THADA: variants seen among roughly 807,000 people sequenced by gnomAD.
THADA encodes the protein THADA armadillo repeat containing.
A neutral mutation model predicts 219.8 loss-of-function variants in THADA; 213 were observed. The ratio of observed to expected loss-of-function variants is 0.97; its 90% confidence interval spans 0.87 to 1.09. The LOEUF is 1.09. THADA is among the 50% of genes least tolerant of loss of function. The pLI is 0.00. For missense variants in THADA, 2,956 were observed against 2,311.3 expected (o/e 1.28, Z -5.72); for synonymous variants, 1,018 against 828.9 (o/e 1.23, Z -3.92).
At chr2:43,475,341 C>G (rs1380947637) in intron 26 of THADA, among the ~76,000 whole-genome samples, 3 of 150,768 alleles carry the variant, frequency 2.0e-5, no homozygotes, top group Non-Finnish European at 4.4e-5. Context: ...ATGGCTTGAG[C>G]CCAGCAGGCA....
intron 36 of THADA, among the ~76,000 whole-genome samples, chr2:43,252,237 C>T (rs1669882407): frequency 1.3e-5 from 2 of 152,206 alleles, no homozygotes; most frequent in African/African-American, 4.8e-5. Flanking sequence ...TACTCCCCAT[C>T]TCTGATTTTA....
At chr2:43,311,979 G>A (rs1352700243) in intron 31 of THADA, among the ~76,000 whole-genome samples, 1 of 151,950 alleles carries the variant, frequency 6.6e-6, no homozygotes, top group Non-Finnish European at 1.5e-5. Flanking sequence ...CAGGAGGGCT[G>A]CTTAAGCCCA....
intron 26 of THADA, among the ~76,000 whole-genome samples, chr2:43,482,569 T>C (rs1386832002): frequency 6.6e-6 from 1 of 152,210 alleles, no homozygotes; most frequent in East Asian, 1.9e-4. Flanking sequence ...TTGATTATAG[T>C]GGTTATATTG....
At chr2:43,486,471 A>G (rs1433505342) in intron 25 of THADA, 2 of 152,254 alleles carry the variant, frequency 1.3e-5, no homozygotes, top group East Asian at 1.9e-4. Flanking sequence ...TACCAGCACC[A>G]TGGATAAGAT....
chr2:43,290,427 G>T (rs1418693134), intron 34 of THADA, among the ~76,000 whole-genome samples: 2 of 152,046 alleles, frequency 1.3e-5, no homozygotes, highest in Non-Finnish European at 2.9e-5. Flanking sequence ...CAGATCTAAG[G>T]AAATTGGACC....
At chr2:43,312,054 A>C (rs561867426) in intron 31 of THADA, among the ~76,000 whole-genome samples, 94 of 152,218 alleles carry the variant, frequency 6.2e-4, no homozygotes, top group Middle Eastern at 3.4e-3. Flanking sequence ...AATTAAAAAC[A>C]AAAACAGAAA....
Position 43,286,776 on chromosome 2 carries a change from T to A in THADA, c.5164+132A>T. 4 of 1,014,052 alleles carry A rather than the reference T, an allele frequency of 3.9e-6. No homozygotes were observed. The South Asian group carries it at 7.0e-5, about 18-fold the overall frequency. 62.8% of individuals were successfully genotyped at this position (1,014,052 alleles called of 1,614,324 possible). ...ATGATTAGAGCATGAACTAAGACGG[T>A]AGGAATATAACTGAAAGACATAAAG... On this transcript the variant is annotated intron_variant, in intron 35 of 37. Coordinates refer to ENST00000405975, the MANE Select transcript of THADA (RefSeq NM_022065.5).
chr2:43,294,671 G>A (rs777437667), intron 31 of THADA, among the ~76,000 whole-genome samples: 12 of 152,146 alleles, frequency 7.9e-5, no homozygotes, highest in South Asian at 6.2e-4. Context: ...TGCTCTTATC[G>A]TTGAGGAGGC....
At chr2:43,517,070 T>C (rs1218625808) in intron 22 of THADA, among the ~76,000 whole-genome samples, 1 of 152,182 alleles carries the variant, frequency 6.6e-6, no homozygotes, top group Non-Finnish European at 1.5e-5. Flanking sequence ...GTATTAATAG[T>C]TCTAAATGAA....
chr2:43,508,382 T>C (rs1239930842), intron 23 of THADA, among the ~76,000 whole-genome samples: 2 of 152,124 alleles, frequency 1.3e-5, no homozygotes, highest in African/African-American at 4.8e-5. Flanking sequence ...CACAGTGATG[T>C]CTGCCTACTT....
At chr2:43,510,626 T>C (rs1438080281) in intron 22 of THADA, among the ~76,000 whole-genome samples, 5 of 147,330 alleles carry the variant, frequency 3.4e-5, no homozygotes, top group African/African-American at 2.5e-5. Flanking sequence ...GCTAATGATA[T>C]AGATTACTGC....
intron 25 of THADA, among the ~76,000 whole-genome samples, chr2:43,490,334 C>T (rs1687470889): frequency 6.6e-6 from 1 of 151,994 alleles, no homozygotes. Flanking sequence ...ATTTTTTATT[C>T]TTCTCTAGTT....
At chr2:43,361,991 A>C (rs1669575699) in intron 29 of THADA, among the ~76,000 whole-genome samples, 1 of 152,222 alleles carries the variant, frequency 6.6e-6, no homozygotes, top group Non-Finnish European at 1.5e-5. Flanking sequence ...CCAGAGGTAT[A>C]ATTTCTAGCC....
At chr2:43,530,577 A>T (rs1313545382) in intron 21 of THADA, among the ~76,000 whole-genome samples, 2 of 152,222 alleles carry the variant, frequency 1.3e-5, no homozygotes, top group Non-Finnish European at 2.9e-5. Context: ...CAGAAAGTCA[A>T]TGAGATGAGG....
intron 17 of THADA, among the ~76,000 whole-genome samples, chr2:43,555,835 T>C (rs1214916654): frequency 6.6e-6 from 1 of 152,208 alleles, no homozygotes; most frequent in Non-Finnish European, 1.5e-5. Context: ...AAATGAAGAC[T>C]GACTAGCATA....
chr2:43,573,191 C>A (rs1043120846), intron 11 of THADA, among the ~76,000 whole-genome samples, 199 bp from the exon 12 acceptor site: 1 of 152,162 alleles, frequency 6.6e-6, no homozygotes, highest in Non-Finnish European at 1.5e-5. Context: ...TCAATCATTT[C>A]AAGTAAGCAT....
chr2:43,311,548 AG>A (rs2104439018), intron 31 of THADA, among the ~76,000 whole-genome samples: 1 of 152,370 alleles, frequency 6.6e-6, no homozygotes, highest in South Asian at 2.1e-4. Context: ...CACAGGTCCC[AG>A]CAAAAACTTG....
intron 28 of THADA, among the ~76,000 whole-genome samples, chr2:43,398,919 A>G (rs1674431424): frequency 6.6e-6 from 1 of 152,180 alleles, no homozygotes; most frequent in Non-Finnish European, 1.5e-5. Flanking sequence ...GGGCTGACTC[A>G]TACCCAAAGA....
intron 11 of THADA, 45 bp downstream of exon 11, chr2:43,574,291 G>A: frequency 7.7e-7 from 1 of 1,305,552 alleles, no homozygotes; most frequent in South Asian, 1.6e-5. Flanking sequence ...CTACATTTAA[G>A]CATCATAATT....
Sources: gnomAD v4.1 joint callset for allele counts (sites outside exome capture counted in the v4.1 genomes callset) on GRCh38, gnomAD v4.1.1 for gene constraint, MANE v1.5 for transcripts, NCBI Gene and HGNC (gene_info 2026-07-23, HGNC 2026-07-21) for gene names.